CTNNA3: variants seen among roughly 807,000 people sequenced by gnomAD.
CTNNA3 encodes catenin alpha 3.
Under a neutral mutation model 95.7 loss-of-function variants are expected in CTNNA3, and 76 were observed. That is an observed-to-expected ratio of 0.79 (90% CI 0.66 to 0.96). The LOEUF is 0.96. Among genes scored for constraint, CTNNA3 ranks in the 40% least tolerant of loss-of-function variants. CTNNA3 has a pLI of 0.00. For synonymous variants in CTNNA3, 431 were observed against 374.4 expected (o/e 1.15, Z -1.74); for missense variants, 1,191 against 1,089.8 (o/e 1.09, Z -1.31).
chr10:66,078,400 G>T (rs1178343401), intron 14 of CTNNA3, among the ~76,000 whole-genome samples: 2 of 151,688 alleles, frequency 1.3e-5, no homozygotes, highest in Non-Finnish European at 3.0e-5. Context: ...TTTTCCTTTG[G>T]GGATATTTCA....
intron 9 of CTNNA3, among the ~76,000 whole-genome samples, chr10:66,726,785 T>C (rs1848795264): frequency 6.7e-6 from 1 of 148,932 alleles, no homozygotes; most frequent in Non-Finnish European, 1.5e-5. Flanking sequence ...AGTAGCCCAG[T>C]AGCCTGTTGG....
intron 5 of CTNNA3, among the ~76,000 whole-genome samples, chr10:67,495,565 C>A (rs543720300): frequency 1.3e-5 from 2 of 152,260 alleles, no homozygotes; most frequent in African/African-American, 4.8e-5. Context: ...CAAAAACAAA[C>A]CATGTCTAAG....
intron 7 of CTNNA3, among the ~76,000 whole-genome samples, chr10:67,145,029 T>C (rs1212046411): frequency 6.6e-6 from 1 of 152,138 alleles, no homozygotes; most frequent in African/African-American, 2.4e-5. Flanking sequence ...ATTTCAATAT[T>C]GTTGTTTCAC....
chr10:66,504,203 G>A (rs1426854377), intron 11 of CTNNA3, among the ~76,000 whole-genome samples: 1 of 151,996 alleles, frequency 6.6e-6, no homozygotes, highest in Non-Finnish European at 1.5e-5. Flanking sequence ...CATCTCCCCA[G>A]TCCTCTCCCT....
intron 15 of CTNNA3, among the ~76,000 whole-genome samples, chr10:66,001,919 T>TA (rs1439295279): frequency 6.6e-6 from 1 of 152,114 alleles, no homozygotes; most frequent in East Asian, 1.9e-4. Flanking sequence ...AAAAGGAATA[T>TA]AAAATATATA....
chr10:66,314,400 A>T (rs539631558), intron 12 of CTNNA3, among the ~76,000 whole-genome samples: 7 of 150,598 alleles, frequency 4.6e-5, no homozygotes, highest in Admixed American at 1.3e-4. Flanking sequence ...TAATTTAAAA[A>T]TTTTAAAATA....
chr10:67,074,341 TC>T (rs1183344441), intron 7 of CTNNA3, among the ~76,000 whole-genome samples: 3 of 124,594 alleles, frequency 2.4e-5, no homozygotes, highest in African/African-American at 9.7e-5. Context: ...CCACTTTAAC[TC>T]TTTTTTTTTT....
At chr10:67,396,229 T>C (rs1844701608) in intron 5 of CTNNA3, among the ~76,000 whole-genome samples, 1 of 152,124 alleles carries the variant, frequency 6.6e-6, no homozygotes, top group Non-Finnish European at 1.5e-5. Context: ...TGAAACTCAA[T>C]ATGAATCTAG....
At chr10:66,752,622 C>T (rs1456433965) in intron 9 of CTNNA3, among the ~76,000 whole-genome samples, 1 of 151,898 alleles carries the variant, frequency 6.6e-6, no homozygotes, top group African/African-American at 2.4e-5. Context: ...ACAAGATACT[C>T]TGAAGAGATT....
At chr10:67,155,968 T>C (rs1209471264) in intron 7 of CTNNA3, among the ~76,000 whole-genome samples, 2 of 152,236 alleles carry the variant, frequency 1.3e-5, no homozygotes, top group South Asian at 2.1e-4. Flanking sequence ...TCAATCTCTA[T>C]ACTAGTTACA....
chr10:66,496,658 A>T (rs1261664162), intron 11 of CTNNA3, among the ~76,000 whole-genome samples: 1 of 152,190 alleles, frequency 6.6e-6, no homozygotes, highest in Admixed American at 6.5e-5. Context: ...TTGTCTTAGT[A>T]TTCTCCTACT....
At chr10:66,747,953 A>G (rs555155129) in intron 9 of CTNNA3, among the ~76,000 whole-genome samples, 1 of 152,266 alleles carries the variant, frequency 6.6e-6, no homozygotes, top group South Asian at 2.1e-4. Context: ...TCATAGGTCA[A>G]ATGGGAGATT....
intron 9 of CTNNA3, among the ~76,000 whole-genome samples, chr10:66,721,427 T>A (rs1198015453): frequency 6.6e-6 from 1 of 152,210 alleles, no homozygotes; most frequent in African/African-American, 2.4e-5. Context: ...TATGTATTAT[T>A]TATAAATAAA....
chr10:66,061,977 G>T (rs1039296962), intron 15 of CTNNA3, among the ~76,000 whole-genome samples: 45 of 152,010 alleles, frequency 3.0e-4, no homozygotes, highest in African/African-American at 1.1e-3. Flanking sequence ...TTTAGCACAG[G>T]GTAAAGTCTT....
intron 7 of CTNNA3, among the ~76,000 whole-genome samples, chr10:66,982,648 G>T (rs1427888577): frequency 6.6e-6 from 1 of 152,124 alleles, no homozygotes; most frequent in Non-Finnish European, 1.5e-5. Flanking sequence ...AACCTTGTGA[G>T]GTTATATAAA....
chr10:66,193,433 C>T (rs1449475588), intron 13 of CTNNA3, among the ~76,000 whole-genome samples: 1 of 152,070 alleles, frequency 6.6e-6, no homozygotes, highest in African/African-American at 2.4e-5. Flanking sequence ...GAAAATTATG[C>T]ATTGGATTTA....
At chr10:66,037,797 A>G (rs1435236502) in intron 15 of CTNNA3, among the ~76,000 whole-genome samples, 1 of 152,226 alleles carries the variant, frequency 6.6e-6, no homozygotes, top group African/African-American at 2.4e-5. Context: ...CCGTGTTGTT[A>G]CTGCTGCTAG....
At chr10:67,701,888 G>A (rs1231551569) in intron 1 of CTNNA3, among the ~76,000 whole-genome samples, 29 of 152,094 alleles carry the variant, frequency 1.9e-4, no homozygotes, top group Admixed American at 3.3e-4. Context: ...CCCATCTCAC[G>A]AGCAGAGACA....
At chr10:66,777,574 T>C (rs148283213) in intron 7 of CTNNA3, among the ~76,000 whole-genome samples, 13 of 152,212 alleles carry the variant, frequency 8.5e-5, no homozygotes, top group African/African-American at 3.1e-4. Context: ...AGCTAACTCA[T>C]GACTATACAG....
Sources: gnomAD v4.1 joint callset for allele counts (sites outside exome capture counted in the v4.1 genomes callset) on GRCh38, gnomAD v4.1.1 for gene constraint, MANE v1.5 for transcripts, NCBI Gene and HGNC (gene_info 2026-07-23, HGNC 2026-07-21) for gene names.